The following CNTN6 variants were observed in gnomAD, a reference collection of about 807,000 sequenced individuals.
The protein encoded by CNTN6 is contactin 6, also known as contactin-6.
Under a neutral mutation model 122.8 loss-of-function variants are expected in CNTN6, and 137 were observed. The ratio of observed to expected loss-of-function variants is 1.12; its 90% confidence interval spans 0.97 to 1.29. CNTN6 has a LOEUF of 1.29. Ranked by LOEUF, CNTN6 falls within the 50% of genes most tolerant of loss-of-function variation. CNTN6 has a pLI of 0.00. For missense variants in CNTN6, 1,634 were observed against 1,223.4 expected, an observed-to-expected ratio of 1.34 and a Z score of -5.01; for synonymous variants, 570 against 426.0, an observed-to-expected ratio of 1.34 and a Z score of -4.16.
At chr3:1,400,687 T>G (rs1313721589) in intron 20 of CNTN6, among the ~76,000 whole-genome samples, 3 of 152,108 alleles carry the variant, frequency 2.0e-5, no homozygotes, top group African/African-American at 7.2e-5. Flanking sequence ...AAGTCAATCA[T>G]CAGCTTTCTC....
At chr3:1,351,891 A>G (rs920728296) in intron 11 of CNTN6, among the ~76,000 whole-genome samples, 3 of 152,062 alleles carry the variant, frequency 2.0e-5, no homozygotes, top group Admixed American at 2.0e-4. Flanking sequence ...AAATGCTGAC[A>G]GACCACGTTT....
chr3:1,384,516 A>C (rs1470232798), intron 19 of CNTN6, among the ~76,000 whole-genome samples: 1 of 151,944 alleles, frequency 6.6e-6, no homozygotes, highest in African/African-American at 2.4e-5. Flanking sequence ...TCATCTCACA[A>C]AGTAAAGAGA....
chr3:1,403,626 A>G lies in CNTN6; in HGVS notation c.*208A>G, dbSNP rs893819390. 2 of 347,682 alleles carry G rather than the reference A, an allele frequency of 5.8e-6. No homozygotes were observed. The highest frequency in any genetic ancestry group is 1.0e-5 in the Non-Finnish European group (2 of 195,198). The allele number at this position is 347,682 out of a possible 1,614,324, so 21.5% of individuals were successfully genotyped here. On this transcript the variant is annotated 3_prime_UTR_variant, in exon 23 of 23. Transcript: ENST00000446702. ...AATTTTAAAATCCGCACATGATTAC[A>G]TGAATTCCTAGGTGCCACATTAACC...
intron 7 of CNTN6, among the ~76,000 whole-genome samples, chr3:1,313,107 C>T (rs1699623795): frequency 6.6e-6 from 1 of 151,904 alleles, no homozygotes; most frequent in African/African-American, 2.4e-5. Flanking sequence ...TTTGAGGTAA[C>T]ACAAGGCCCA....
chr3:1,318,114 AAAG>A (rs1226824553), intron 7 of CNTN6, among the ~76,000 whole-genome samples: 4 of 151,712 alleles, frequency 2.6e-5, no homozygotes, highest in African/African-American at 9.6e-5. Context: ...AGAAAGAAAG[AAAG>A]AAGAGAGAGA....
At chr3:1,388,072 G>GGCCT (rs555609849) in intron 20 of CNTN6, among the ~76,000 whole-genome samples, 239 of 152,168 alleles carry the variant, frequency 1.6e-3, no homozygotes, top group African/African-American at 5.4e-3. Context: ...AGCTCAAGGA[G>GGCCT]GCCTGCCTGC....
intron 1 of CNTN6, among the ~76,000 whole-genome samples, chr3:1,100,143 C>G (rs2090804128): frequency 6.6e-6 from 1 of 152,094 alleles, no homozygotes; most frequent in South Asian, 2.1e-4. Flanking sequence ...TATTTATGTG[C>G]ATCTCCTAGA....
chr3:1,255,327 T>A (rs990818140), intron 4 of CNTN6, among the ~76,000 whole-genome samples: 7 of 151,336 alleles, frequency 4.6e-5, no homozygotes, highest in African/African-American at 1.7e-4. Context: ...CATGGTGATA[T>A]GAGGAATGGG....
At chr3:1,300,558 AAAGAAAG>A (rs1471232170) in intron 7 of CNTN6, among the ~76,000 whole-genome samples, 7 of 18,070 alleles carry the variant, frequency 3.9e-4, no homozygotes, top group East Asian at 0.011. Context: ...AGAGAAAGAA[AAAGAAAG>A]AAAGAAAGAA....
intron 8 of CNTN6, among the ~76,000 whole-genome samples, chr3:1,324,749 C>A (rs1701304531): frequency 1.3e-5 from 2 of 149,458 alleles, no homozygotes; most frequent in South Asian, 4.1e-4. Flanking sequence ...GATGCTTTTC[C>A]CTTGGGCTAA....
chr3:1,360,496 C>G lies in CNTN6; in HGVS notation c.1492+8045C>G, dbSNP rs149543673. 2.1e-3 allele frequency among the ~76,000 whole-genome samples: 312 copies of G among 151,992 alleles called. 2 individuals are homozygous for G. Among genetic ancestry groups the G allele is most frequent in the African/African-American group, 7.2e-3 (300 of 41,476 alleles). ...TTATTTAAATGTTATATTTTCTAAA[C>G]TGGTAGTCTAGTTTATGGTTATATT... On this transcript the variant is annotated intron_variant, in intron 12 of 22. Transcript: ENST00000446702.
rs1281803557 is a variant in CNTN6, at chr3:1,278,845, T to G, written c.454+337T>G. ...CAAGGGGACAATTTATTTACCCCAC[T>G]TTGAGGCTTGGTTTTCTCATCTATA... On this transcript the variant is annotated intron_variant, in intron 5 of 22. Transcript: ENST00000446702. Among the ~76,000 whole-genome samples, 6 of 152,302 alleles carry G rather than the reference T, an allele frequency of 3.9e-5. No homozygotes were observed. The East Asian group carries it at 9.6e-4, about 24-fold the overall frequency.
intron 2 of CNTN6, among the ~76,000 whole-genome samples, chr3:1,182,216 G>GA (rs2093565110): frequency 6.6e-6 from 1 of 152,104 alleles, no homozygotes; most frequent in African/African-American, 2.4e-5. Flanking sequence ...ATCCAAGGGA[G>GA]AAAAATAAAA....
intron 11 of CNTN6, among the ~76,000 whole-genome samples, chr3:1,335,443 T>A (rs1702915984): frequency 6.6e-6 from 1 of 152,134 alleles, no homozygotes; most frequent in South Asian, 2.1e-4. Flanking sequence ...TAATCACTTC[T>A]TTTTTTCCTT....
intron 4 of CNTN6, among the ~76,000 whole-genome samples, chr3:1,251,711 A>G (rs1459055781): frequency 6.6e-6 from 1 of 152,122 alleles, no homozygotes; most frequent in Non-Finnish European, 1.5e-5. Flanking sequence ...ATGTTACTGT[A>G]TTGCCGGCAT....
chr3:1,140,685 C>T (rs1349153131), intron 1 of CNTN6, among the ~76,000 whole-genome samples: 1 of 152,108 alleles, frequency 6.6e-6, no homozygotes, highest in African/African-American at 2.4e-5. Context: ...GAGTTAAGTT[C>T]TACAGCTTGG....
chr3:1,145,335 A>C (rs1178722394), intron 1 of CNTN6, among the ~76,000 whole-genome samples: 3 of 152,166 alleles, frequency 2.0e-5, no homozygotes, highest in Non-Finnish European at 4.4e-5. Context: ...CCAAAGAAAT[A>C]GATAACTGAT....
chr3:1,388,497 G>T (rs569782228), intron 20 of CNTN6, among the ~76,000 whole-genome samples: 1 of 151,614 alleles, frequency 6.6e-6, no homozygotes, highest in Non-Finnish European at 1.5e-5. Flanking sequence ...ACTCTAAAAC[G>T]CAGAGCGCCT....
intron 4 of CNTN6, among the ~76,000 whole-genome samples, chr3:1,264,460 T>G (rs2094895669): frequency 6.6e-6 from 1 of 152,150 alleles, no homozygotes; most frequent in Non-Finnish European, 1.5e-5. Flanking sequence ...AGCAGCCACA[T>G]AGAGAGAGGT....
Sources: gnomAD v4.1 joint callset for allele counts (sites outside exome capture counted in the v4.1 genomes callset) on GRCh38, gnomAD v4.1.1 for gene constraint, MANE v1.5 for transcripts, NCBI Gene and HGNC (gene_info 2026-07-23, HGNC 2026-07-21) for gene names.